Variants in MUC3A observed in about 807,000 individuals in gnomAD.
MUC3A encodes the protein mucin-3A.
In MUC3A, 109 loss-of-function variants were observed where a neutral mutation model predicts 109.0. That is an observed-to-expected ratio of 1.00 (90% CI 0.86 to 1.17). MUC3A has a LOEUF of 1.17. Among genes scored for constraint, MUC3A ranks in the 50% most tolerant of loss-of-function variants. The probability of loss-of-function intolerance (pLI) is 0.00; values close to 1 mark genes in which losing one functional copy is unlikely to be tolerated. For synonymous variants in MUC3A, 1,398 were observed against 981.4 expected, an observed-to-expected ratio of 1.42 and a Z score of -7.93; for missense variants, 3,537 against 2,469.4, an observed-to-expected ratio of 1.43 and a Z score of -9.16.
At chr7:100,967,014 C>T (rs1248202433) in intron 11 of MUC3A, 63 bp downstream of exon 11, 15 of 1,598,506 alleles carry the variant, frequency 9.4e-6, no homozygotes, top group Admixed American at 1.7e-5. Context: ...AATCCCTCCC[C>T]GACCCCCACC....
chr7:100,965,748 TTC>T lies in MUC3A; in HGVS notation c.9494_9495del (p.Phe3165SerfsTer111). 6.3e-7 allele frequency: 1 copy of T among 1,598,428 alleles called. No individual in the cohort carries two copies. On this transcript the variant is annotated frameshift_variant, in exon 8 of 12. Coordinates refer to ENST00000379458, the MANE Select transcript of MUC3A (RefSeq NM_005960.2). LOFTEE classifies it high-confidence loss of function. The part of the protein sequence containing the change: ...AAPTGYEEFY[F>X]PLVEATRLRC... ...TCCCACGGGCTATGAAGAGTTCTACTTCCCCTTGGTGGAGGCCACCCGGCTCC... is the reference window on the plus strand; with the variant it reads ...TCCCACGGGCTATGAAGAGTTCTACTCCCTTGGTGGAGGCCACCCGGCTCC...
In MUC3A at chr7:100,965,357, G is replaced by C. The variant is rs772293595; in HGVS notation, c.9448+10G>C. 2 of 1,596,848 alleles carry C rather than the reference G, an allele frequency of 1.3e-6. No individual in the cohort carries two copies. Among genetic ancestry groups the C allele is most frequent in the Non-Finnish European group, 1.7e-6 (2 of 1,178,708 alleles). On this transcript the variant is annotated intron_variant, in intron 7 of 11. Transcript: ENST00000379458. ...GAGCTGACCCCGGCAGGTAAGGGTG[G>C]GGTAAAGGGCTGAGTGGTCTCCCGC...
chr7:100,959,835 C>A lies in MUC3A; in HGVS notation c.8056C>A (p.Pro2686Thr), dbSNP rs1482489015. 7 of 1,577,466 alleles carry A rather than the reference C, an allele frequency of 4.4e-6. No individual in the cohort carries two copies. Among genetic ancestry groups the A allele is most frequent in the African/African-American group, 1.3e-5 (1 of 74,724 alleles). Residue 2686 changes from proline (P) to threonine (T), a missense_variant, in exon 2 of 12, where the codon CCC (proline) becomes ACC (threonine). By Grantham distance (38) the Pro-to-Thr change is conservative. Transcript: ENST00000379458. ...SFSTIIWSSTPTIIMSSSPSS... is the reference protein window; with the variant it reads ...SFSTIIWSSTTTIIMSSSPSS... ...TAGTACCATCATCTGGTCCTCAACACCCACTATTATCATGTCCTCTTCTCC... is the reference window on the plus strand; with the variant it reads ...TAGTACCATCATCTGGTCCTCAACAACCACTATTATCATGTCCTCTTCTCC...
intron 5 of MUC3A, chr7:100,964,105 CT>C (rs1440588534): frequency 4.6e-5 from 20 of 437,922 alleles, no homozygotes; most frequent in African/African-American, 3.8e-4. Flanking sequence ...GAACGCACGT[CT>C]AGGGGCGCCC....
At position 100,958,942 on chromosome 7, in the gene MUC3A, G is replaced by A; in HGVS notation, c.7163G>A (p.Ser2388Asn). The change falls in exon 2 of 12, where the codon AGT becomes AAT. Residue 2388 changes from serine to asparagine, a missense_variant. Ser to Asn is a conservative substitution (Grantham distance 46, BLOSUM62 1). Coordinates refer to ENST00000379458, the MANE Select transcript of MUC3A (RefSeq NM_005960.2). ...ACCACCACTGAGACCCCCTTACACA[G>A]TACTCCTGGCCTCACTTCGTGGGTC... ...SITTTETPLH[S>N]TPGLTSWVTT... 6.6e-7 allele frequency: 1 copy of A among 1,524,772 alleles called. No homozygotes were observed. Among genetic ancestry groups the A allele is most frequent in the Non-Finnish European group, 8.7e-7 (1 of 1,144,524 alleles). 94.5% of individuals were successfully genotyped at this position (1,524,772 alleles called of 1,614,324 possible).
chr7:100,955,107 G>C lies in MUC3A; in HGVS notation c.3328G>C (p.Gly1110Arg). The C allele has an allele frequency of 3.3e-6, 2 of 615,058 alleles. No individual in the cohort carries two copies. Among genetic ancestry groups the C allele is most frequent in the Non-Finnish European group, 5.8e-6 (2 of 344,694 alleles). The allele number at this position is 615,058 out of a possible 1,614,324, so 38.1% of individuals were successfully genotyped here. A position where few individuals can be genotyped will look rare whatever the true frequency, so the allele number is the denominator to read the frequency against. ...AATCACCTATTCCACAAGTATAACAGGTACATTGTCCACTGCCACTACTCT... is the reference window on the plus strand; with the variant it reads ...AATCACCTATTCCACAAGTATAACACGTACATTGTCCACTGCCACTACTCT... Reference protein sequence around the residue: ...TEITYSTSITGTLSTATTLPP... With the variant: ...TEITYSTSITRTLSTATTLPP... The change falls in exon 2 of 12, where the codon GGT becomes CGT. Residue 1110 changes from glycine to arginine, a missense_variant. Physicochemically the swap from Gly to Arg is moderately radical, Grantham distance 125 (BLOSUM62 -2). Transcript: ENST00000379458.
At position 100,964,720 on chromosome 7, in the gene MUC3A, C is replaced by G. The variant is rs780830087; in HGVS notation, c.9259C>G (p.Leu3087Val). Residue 3087 changes from leucine to valine, a missense_variant, in exon 6 of 12, where the codon CTG becomes GTG. Physicochemically the swap from Leu to Val is conservative, Grantham distance 32 (BLOSUM62 1). Transcript: ENST00000379458. The part of the protein sequence containing the change: ...LRNGSIVVDY[L>V]VLLEMPFSPQ... ...GAATGGCAGCATCGTGGTGGACTAC[C>G]TGGTCCTGCTGGAGATGCCCTTCAG... The G allele has an allele frequency of 7.5e-6, 12 of 1,598,318 alleles. No individual in the cohort carries two copies. Among genetic ancestry groups the G allele is most frequent in the Non-Finnish European group, 8.5e-6 (10 of 1,179,754 alleles).
chr7:100,966,366 G>T lies in MUC3A; in HGVS notation c.9612-20G>T. The T allele has an allele frequency of 7.6e-7, 1 of 1,321,728 alleles. No individual in the cohort carries two copies. Among genetic ancestry groups the T allele is most frequent in the Non-Finnish European group, 9.6e-7 (1 of 1,042,076 alleles). The allele number at this position is 1,321,728 out of a possible 1,614,324, so 81.9% of individuals were successfully genotyped here. A position where few individuals can be genotyped will look rare whatever the true frequency, so the allele number is the denominator to read the frequency against. ...CCGAGCCCGGAGGTGAAGAGGGTCT[G>T]ACCCTGCGATCTCCCGCAGCTGCTA... On this transcript the variant is annotated intron_variant, in intron 8 of 11. Coordinates refer to ENST00000379458, the MANE Select transcript of MUC3A (RefSeq NM_005960.2).
At chr7:100,951,800 C>A (rs201907098) in intron 1 of MUC3A, 41 bp from the exon 2 acceptor site, 2 of 1,581,996 alleles carry the variant, frequency 1.3e-6, no homozygotes, top group South Asian at 2.2e-5. Flanking sequence ...AAATGACCCA[C>A]GGATTTACCA....
Position 100,968,058 on chromosome 7 carries a change from G to C in MUC3A, c.*896G>C, listed in dbSNP as rs1400522302. The C allele has an allele frequency of 7.6e-6, 1 of 131,194 alleles. No homozygotes were observed. The highest frequency in any genetic ancestry group is 1.6e-5 in the Non-Finnish European group (1 of 60,716). 8.1% of individuals were successfully genotyped at this position (131,194 alleles called of 1,614,324 possible). A position where few individuals can be genotyped will look rare whatever the true frequency, so the allele number is the denominator to read the frequency against. On this transcript the variant is annotated 3_prime_UTR_variant, in exon 12 of 12. Coordinates refer to ENST00000379458, the MANE Select transcript of MUC3A (RefSeq NM_005960.2). ...CTCTCACCCCTGGAGCCCTGCGGGT[G>C]GGGGCAGGGCATGAGTTCCCCAGTC...
At position 100,957,536 on chromosome 7, in the gene MUC3A, C is replaced by A. The variant is rs1385217956; in HGVS notation, c.5757C>A (p.His1919Gln). Residue 1919 changes from histidine to glutamine, a missense_variant, in exon 2 of 12, where the codon CAC becomes CAA. His to Gln is a conservative substitution (Grantham distance 24). Coordinates refer to ENST00000379458, the MANE Select transcript of MUC3A (RefSeq NM_005960.2). ...TCGCAACCACCGAGACCCCCTCACACAGTACTCCCAGATTCACTTCTTCAA... is the reference window on the plus strand; with the variant it reads ...TCGCAACCACCGAGACCCCCTCACAAAGTACTCCCAGATTCACTTCTTCAA... ...SSIATTETPS[H>Q]STPRFTSSIT... 1 of 1,262,088 alleles carries A rather than the reference C, an allele frequency of 7.9e-7. No homozygotes were observed. Among genetic ancestry groups the A allele is most frequent in the Non-Finnish European group, 9.9e-7 (1 of 1,010,470 alleles). The allele number at this position is 1,262,088 out of a possible 1,614,324, so 78.2% of individuals were successfully genotyped here. A position where few individuals can be genotyped will look rare whatever the true frequency, so the allele number is the denominator to read the frequency against.
rs947406270 is a variant in MUC3A at position 100,963,757 on chromosome 7, G to A, written c.9233+5G>A. ...TGTGGAGATCCTGTCCCTGAGGTAG[G>A]AGACCCATCTGGGGATGCGGAGGCG... On this transcript the variant is annotated splice_donor_5th_base_variant and intron_variant, in intron 5 of 11. Coordinates refer to ENST00000379458, the MANE Select transcript of MUC3A (RefSeq NM_005960.2). 40 of 1,598,546 alleles carry A rather than the reference G, an allele frequency of 2.5e-5. No homozygotes were observed. The East Asian group carries it at 8.0e-4, about 32-fold the overall frequency.
chr7:100,959,976 C>T lies in MUC3A; in HGVS notation c.8197C>T (p.Leu2733Phe), dbSNP rs1792263169. ...CGCTTCTATCACAGGCTTTCCTAGTCTCTCTTCCTCTGCAACTACCAGCAC... is the reference window on the plus strand; with the variant it reads ...CGCTTCTATCACAGGCTTTCCTAGTTTCTCTTCCTCTGCAACTACCAGCAC... ...GSASITGFPS[L>F]SSSATTSTSS... Residue 2733 changes from leucine (L) to phenylalanine (F), a missense_variant, in exon 2 of 12, where the codon CTC becomes TTC. Transcript: ENST00000379458. 7 of 1,507,298 alleles carry T rather than the reference C, an allele frequency of 4.6e-6. No homozygotes were observed. Among genetic ancestry groups the T allele is most frequent in the Non-Finnish European group, 6.1e-6 (7 of 1,139,072 alleles). The allele number at this position is 1,507,298 out of a possible 1,614,324, so 93.4% of individuals were successfully genotyped here.
intron 1 of MUC3A, among the ~76,000 whole-genome samples, chr7:100,950,175 C>A (rs1216647970): frequency 6.6e-6 from 1 of 152,292 alleles, no homozygotes; most frequent in Admixed American, 6.5e-5. Flanking sequence ...GCCTTTTGTC[C>A]CCCGGCGGCT....
Position 100,952,373 on chromosome 7 carries a change from T to C in MUC3A, c.594T>C (p.Thr198=). The C allele has an allele frequency of 6.3e-7, 1 of 1,598,522 alleles. No individual in the cohort carries two copies. The highest frequency in any genetic ancestry group is 8.5e-7 in the Non-Finnish European group (1 of 1,179,770). The part of the protein sequence containing the change: ...SSPSTTTARE[T]PIVTVTPSSV... ...CCTCTACCACCACTGCAAGGGAAACTCCCATAGTGACAGTGACACCCTCCT... is the reference window on the plus strand; with the variant it reads ...CCTCTACCACCACTGCAAGGGAAACCCCCATAGTGACAGTGACACCCTCCT... The change falls in exon 2 of 12, where the codon ACT becomes ACC. Residue 198 remains threonine (T), a synonymous_variant. Coordinates refer to ENST00000379458, the MANE Select transcript of MUC3A (RefSeq NM_005960.2).
chr7:100,964,150 C>A (rs117378530), intron 5 of MUC3A: 4 of 344,998 alleles, frequency 1.2e-5, no homozygotes, highest in African/African-American at 2.1e-5. Context: ...AAGAAGAGAA[C>A]GTCAGGCCAG....
At chr7:100,951,583 C>A (rs957890204) in intron 1 of MUC3A, among the ~76,000 whole-genome samples, 2 of 152,290 alleles carry the variant, frequency 1.3e-5, no homozygotes, top group Non-Finnish European at 2.9e-5. Context: ...ACAGGAGGAC[C>A]TGCCATGACA....
Position 100,949,538 on chromosome 7 carries a change from T to C in MUC3A, c.-87T>C. On this transcript the variant is annotated 5_prime_UTR_variant, in exon 1 of 12. Transcript: ENST00000379458. ...TCAGCAAAACCGATAACCAGCACTT[T>C]CATTACGTGCACGCCCCAGGGCCAC... is the stretch of plus-strand genomic sequence containing the variant. 8.5e-7 allele frequency: 1 copy of C among 1,170,184 alleles called. No individual in the cohort carries two copies. The highest frequency in any genetic ancestry group is 1.1e-6 in the Non-Finnish European group (1 of 903,024). The allele number at this position is 1,170,184 out of a possible 1,614,324, so 72.5% of individuals were successfully genotyped here. A position where few individuals can be genotyped will look rare whatever the true frequency, so the allele number is the denominator to read the frequency against.
chr7:100,963,088 G>A, intron 3 of MUC3A, 63 bp from the exon 4 acceptor site: 1 of 1,551,768 alleles, frequency 6.4e-7, no homozygotes. Flanking sequence ...TGGGGTGGTG[G>A]TGTTGGTGGC....
Sources: allele counts gnomAD v4.1 joint callset (sites outside exome capture counted in the v4.1 genomes callset), GRCh38; gene constraint gnomAD v4.1.1; transcripts MANE v1.5; gene names NCBI Gene and HGNC (gene_info 2026-07-23, HGNC 2026-07-21).